Variants in RPS6KA3 observed in about 807,000 individuals in gnomAD.
The protein encoded by RPS6KA3 is ribosomal protein S6 kinase alpha-3.
RPS6KA3 carries 4 observed loss-of-function variants against 67.2 expected under a neutral mutation model. The ratio of observed to expected loss-of-function variants is 0.06; its 90% CI spans 0.03 to 0.14. The LOEUF (loss-of-function observed/expected upper bound fraction) is 0.14, where lower values mean the gene tolerates loss of function less well. RPS6KA3 is among the 10% of genes least tolerant of loss of function. RPS6KA3 has a pLI of 1.00. For synonymous variants in RPS6KA3, 182 were observed against 183.7 expected, an observed-to-expected ratio of 0.99 and a Z score of 0.07; for missense variants, 204 against 559.0, an observed-to-expected ratio of 0.36 and a Z score of 6.40.
At chrX:20,171,996 TTTAAAGCAG>T (rs770574316) in intron 15 of RPS6KA3, among the ~76,000 whole-genome samples, 97 of 112,396 alleles carry the variant, frequency 8.6e-4, no homozygotes, top group African/African-American at 3.0e-3. Flanking sequence ...CACTGACGAC[TTTAAAGCAG>T]TTACATCTAA....
At chrX:20,163,120 T>G in intron 18 of RPS6KA3, 80 bp from the exon 19 acceptor site, 1 of 667,155 alleles carries the variant, frequency 1.5e-6, no homozygotes, top group Non-Finnish European at 2.5e-6. Flanking sequence ...AATTATATAT[T>G]CCAAATCAAC....
intron 20 of RPS6KA3, among the ~76,000 whole-genome samples, chrX:20,161,003 T>C (rs1362061167): frequency 9.0e-6 from 1 of 111,498 alleles, no homozygotes; most frequent in Non-Finnish European, 1.9e-5. Context: ...AAAGTGAAAA[T>C]AGAACAGAGT....
chrX:20,219,034 CGGCAGG>C, intron 2 of RPS6KA3: 2 of 390,339 alleles, frequency 5.1e-6, no homozygotes, highest in South Asian at 1.0e-4. Flanking sequence ...AGAAACCTGC[CGGCAGG>C]GGCACTAATG....
chrX:20,187,035 A>T (rs961806344), intron 9 of RPS6KA3, among the ~76,000 whole-genome samples: 4 of 109,587 alleles, frequency 3.7e-5, no homozygotes, highest in Non-Finnish European at 5.7e-5. Context: ...GGGTTTCACC[A>T]TGTTGTCCAG....
chrX:20,200,122 T>C (rs1293969230), intron 4 of RPS6KA3, among the ~76,000 whole-genome samples: 3 of 112,283 alleles, frequency 2.7e-5, no homozygotes, highest in Non-Finnish European at 5.6e-5. Flanking sequence ...AATGTGACTG[T>C]AGTATACTAT....
chrX:20,192,777 G>A lies in RPS6KA3; in HGVS notation c.593+710C>T, dbSNP rs144317783. ...CACCATGCCCAGCTAATTTTTTGTAGAGATGGGGTTTTGCCATGTTGCCCA... is the reference window on the plus strand; with the variant it reads ...CACCATGCCCAGCTAATTTTTTGTAAAGATGGGGTTTTGCCATGTTGCCCA... On this transcript the variant is annotated intron_variant, in intron 7 of 21. Transcript: ENST00000379565. Among the ~76,000 whole-genome samples the A allele has an allele frequency of 3.4e-3, 371 of 108,113 alleles. 1 individual carries two copies. The highest frequency in any genetic ancestry group is 0.014 in the Middle Eastern group (3 of 216). The allele number at this position is 108,113 out of a possible 115,157, so 93.9% of individuals were successfully genotyped here. A position where few individuals can be genotyped will look rare whatever the true frequency, so the allele number is the denominator to read the frequency against.
chrX:20,226,848 C>T lies in RPS6KA3; in HGVS notation c.126+7910G>A, dbSNP rs753147331. Among the ~76,000 whole-genome samples the T allele has an allele frequency of 4.5e-5, 5 of 111,472 alleles. No homozygotes were observed. In the South Asian group the frequency reaches 1.5e-3, roughly 33 times the overall value. On this transcript the variant is annotated intron_variant, in intron 2 of 21. Transcript: ENST00000379565. The stretch of plus-strand genomic sequence containing the variant: ...ATCAATTTCAGATATTACCTTTAGA[C>T]ACCCTATTACAGATGACTTGGCACT...
At chrX:20,220,089 C>A (rs2068951081) in intron 2 of RPS6KA3, among the ~76,000 whole-genome samples, 1 of 110,847 alleles carries the variant, frequency 9.0e-6, no homozygotes, top group African/African-American at 3.3e-5. Flanking sequence ...ATTTATTGAG[C>A]AAACATTAGA....
intron 20 of RPS6KA3, among the ~76,000 whole-genome samples, chrX:20,158,502 A>G (rs2067239881): frequency 9.1e-6 from 1 of 110,086 alleles, no homozygotes; most frequent in Non-Finnish European, 1.9e-5. Context: ...CTCTGCTATG[A>G]GACATTTATG....
intron 2 of RPS6KA3, among the ~76,000 whole-genome samples, chrX:20,232,757 G>T (rs1210864746): frequency 8.9e-6 from 1 of 111,896 alleles, no homozygotes; most frequent in Non-Finnish European, 1.9e-5. Context: ...TAACCCCAGA[G>T]AAAACTGAGC....
intron 2 of RPS6KA3, among the ~76,000 whole-genome samples, chrX:20,231,534 A>T (rs994353416): frequency 2.7e-5 from 3 of 111,802 alleles, no homozygotes; most frequent in African/African-American, 9.8e-5. Flanking sequence ...TACCACATTT[A>T]AAAAAACATA....
chrX:20,226,163 C>T (rs1028247337), intron 2 of RPS6KA3, among the ~76,000 whole-genome samples: 15 of 110,967 alleles, frequency 1.4e-4, no homozygotes, highest in African/African-American at 4.9e-4. Flanking sequence ...AGAGTGAGAC[C>T]CTGTTTCCAA....
At chrX:20,200,708 T>A (rs768359190) in intron 4 of RPS6KA3, among the ~76,000 whole-genome samples, 1 of 111,660 alleles carries the variant, frequency 9.0e-6, no homozygotes, top group East Asian at 2.8e-4. Flanking sequence ...AAATTTTTTT[T>A]AGGGACAGAT....
chrX:20,201,092 C>T (rs781131208), intron 4 of RPS6KA3, among the ~76,000 whole-genome samples: 12 of 111,760 alleles, frequency 1.1e-4, no homozygotes, highest in Non-Finnish European at 1.9e-4. Context: ...GAAGCTATTT[C>T]CGCAGGTTAA....
intron 1 of RPS6KA3, among the ~76,000 whole-genome samples, chrX:20,250,200 G>A (rs55678712): frequency 0.06 from 6,641 of 110,949 alleles, 322 homozygotes; most frequent in African/African-American, 0.17. Flanking sequence ...CTCCCATTTT[G>A]TTTTTAGAGA....
At chrX:20,180,907 A>G (rs1447979876) in intron 10 of RPS6KA3, among the ~76,000 whole-genome samples, 3 of 112,609 alleles carry the variant, frequency 2.7e-5, no homozygotes, top group African/African-American at 9.7e-5. Context: ...ATGAATAAAC[A>G]GCAGGGGAAA....
At chrX:20,161,095 T>A (rs916837721) in intron 20 of RPS6KA3, among the ~76,000 whole-genome samples, 2 of 112,052 alleles carry the variant, frequency 1.8e-5, no homozygotes, top group African/African-American at 6.5e-5. Context: ...GCAGATGCTA[T>A]GAAACTATAC....
intron 16 of RPS6KA3, among the ~76,000 whole-genome samples, chrX:20,168,686 G>A (rs1238785451): frequency 8.9e-6 from 1 of 111,954 alleles, no homozygotes; most frequent in East Asian, 2.8e-4. Context: ...GTTCAAGTAA[G>A]TGCAGATATT....
intron 1 of RPS6KA3, among the ~76,000 whole-genome samples, chrX:20,249,318 C>A (rs767383581): frequency 8.9e-5 from 10 of 111,900 alleles, no homozygotes; most frequent in Non-Finnish European, 1.9e-4. Flanking sequence ...CATTTCTCTG[C>A]GGTGAATGTC....
Sources: gnomAD v4.1 joint callset for allele counts (sites outside exome capture counted in the v4.1 genomes callset) on GRCh38, gnomAD v4.1.1 for gene constraint, MANE v1.5 for transcripts, NCBI Gene and HGNC (gene_info 2026-07-23, HGNC 2026-07-21) for gene names.